Variants in PAX8 observed in about 807,000 individuals in gnomAD.
The protein encoded by PAX8 is paired box 8, also known as paired box protein Pax-8.
In PAX8, 15 loss-of-function variants were observed where a neutral mutation model predicts 52.4. The observed-to-expected ratio is 0.29, with a 90% CI of 0.19 to 0.44. The LOEUF is 0.44. PAX8 is among the 20% of genes least tolerant of loss of function. PAX8 has a pLI of 1.00. For missense variants in PAX8, 554 were observed against 602.5 expected, an observed-to-expected ratio of 0.92 and a Z score of 0.84; for synonymous variants, 284 against 249.7, an observed-to-expected ratio of 1.14 and a Z score of -1.29.
chr2:113,265,390 T>A (rs914263548), intron 2 of PAX8: 1 of 152,236 alleles, frequency 6.6e-6, no homozygotes, highest in African/African-American at 2.4e-5. Context: ...CACATTGGAA[T>A]TAACACCATA....
intron 2 of PAX8, among the ~76,000 whole-genome samples, chr2:113,255,873 G>C (rs1195900982): frequency 6.6e-6 from 1 of 152,052 alleles, no homozygotes; most frequent in Non-Finnish European, 1.5e-5. Flanking sequence ...CAGAGGGTTA[G>C]CAGCAAATGC....
chr2:113,256,226 C>G (rs537458141), intron 2 of PAX8, among the ~76,000 whole-genome samples: 22 of 152,204 alleles, frequency 1.4e-4, no homozygotes, highest in Non-Finnish European at 2.1e-4. Flanking sequence ...AAAGGAAACA[C>G]TGAAATAGCC....
chr2:113,233,330 G>GA (rs35244828), intron 9 of PAX8, among the ~76,000 whole-genome samples: 132,109 of 137,874 alleles, frequency 0.96, 63,482 homozygotes, highest in East Asian at 1. Flanking sequence ...ATGTACGGAG[G>GA]AAAAAAAAAA....
At chr2:113,226,375 C>T in intron 10 of PAX8, 1 of 985,744 alleles carries the variant, frequency 1.0e-6, no homozygotes, top group Non-Finnish European at 1.2e-6. Context: ...TCTCATCCAT[C>T]CCAAAGTCTT....
intron 4 of PAX8, among the ~76,000 whole-genome samples, chr2:113,243,657 G>T (rs1007522157): frequency 6.6e-6 from 1 of 152,198 alleles, no homozygotes; most frequent in Non-Finnish European, 1.5e-5. Context: ...CTCCCAAAGT[G>T]CTGGGATTAC....
In PAX8 at chr2:113,255,069, CAGAA is replaced by C. The variant is rs572294135; in HGVS notation, c.26-8154_26-8151del. On this transcript the variant is annotated intron_variant, in intron 2 of 11. Transcript: ENST00000429538. ...AAGGGAAGGAGGAAGGAAGGAAGGA[CAGAA>C]AGAAGGAAGGAAGGAAAAAAGAAGG... Among the ~76,000 whole-genome samples the C allele has an allele frequency of 8.9e-3, 736 of 82,480 alleles. 1 individual carries two copies. The highest frequency in any genetic ancestry group is 0.017 in the East Asian group (51 of 2,988). 54.1% of individuals were successfully genotyped at this position (82,480 alleles called of 152,430 possible). A position where few individuals can be genotyped will look rare whatever the true frequency, so the allele number is the denominator to read the frequency against.
At chr2:113,220,043 A>G (rs775912551) in intron 11 of PAX8, 49 bp downstream of exon 11, 6 of 1,393,954 alleles carry the variant, frequency 4.3e-6, no homozygotes, top group Non-Finnish European at 6.0e-6. Context: ...GCCCCCCACC[A>G]CTCCATCCAT....
intron 2 of PAX8, chr2:113,274,589 C>T (rs1693678347): frequency 6.6e-6 from 1 of 152,122 alleles, no homozygotes; most frequent in Admixed American, 6.5e-5. Flanking sequence ...TCCTTTCTCT[C>T]TCACAGCAAA....
intron 7 of PAX8, chr2:113,238,712 T>C (rs1452498856): frequency 6.6e-6 from 1 of 152,234 alleles, no homozygotes; most frequent in Admixed American, 6.5e-5. Context: ...TCTACTTGAC[T>C]GCTCTGAACC....
chr2:113,270,106 C>G (rs1412312030), intron 2 of PAX8: 2 of 152,154 alleles, frequency 1.3e-5, no homozygotes, highest in African/African-American at 4.8e-5. Flanking sequence ...GGTGGTAGAT[C>G]TATTATTTTG....
intron 10 of PAX8, among the ~76,000 whole-genome samples, chr2:113,221,891 C>T (rs1180494058): frequency 6.6e-6 from 1 of 151,350 alleles, no homozygotes; most frequent in African/African-American, 2.4e-5. Context: ...TCCTTAGGGG[C>T]AGAGACTAAG....
At chr2:113,241,237 T>C (rs545092994) in intron 7 of PAX8, 20 of 494,598 alleles carry the variant, frequency 4.0e-5, no homozygotes, top group African/African-American at 3.7e-4. Context: ...TGCTTCAGAG[T>C]TGTGGAACGT....
At chr2:113,249,175 G>T (rs1190523889) in intron 2 of PAX8, among the ~76,000 whole-genome samples, 1 of 152,260 alleles carries the variant, frequency 6.6e-6, no homozygotes, top group Non-Finnish European at 1.5e-5. Flanking sequence ...AGGGCTGGAA[G>T]AGTGCTTGGA....
chr2:113,242,611 T>C (rs1690954875), intron 5 of PAX8, 79 bp downstream of exon 5: 5 of 936,746 alleles, frequency 5.3e-6, no homozygotes, highest in South Asian at 5.2e-5. Context: ...TGTCTGTGTG[T>C]GCCTCTGTGT....
chr2:113,268,837 C>T (rs1159775597), intron 2 of PAX8: 1 of 152,380 alleles, frequency 6.6e-6, no homozygotes, highest in East Asian at 1.9e-4. Context: ...AGGACAGCAG[C>T]TATGTCACTG....
At chr2:113,235,204 G>A (rs1357170072) in intron 9 of PAX8, 190 bp downstream of exon 9, 6 of 586,106 alleles carry the variant, frequency 1.0e-5, no homozygotes, top group Non-Finnish European at 1.5e-5. Context: ...TACAGCATCC[G>A]CCCCTTCCGA....
intron 9 of PAX8, 82 bp downstream of exon 9, chr2:113,235,312 A>G: frequency 8.2e-7 from 1 of 1,216,222 alleles, no homozygotes; most frequent in Non-Finnish European, 1.1e-6. Flanking sequence ...CTGAGGCCAG[A>G]GAGGGGGCTG....
intron 2 of PAX8, chr2:113,255,464 G>C (rs1237218313): frequency 6.6e-6 from 1 of 152,390 alleles, no homozygotes; most frequent in Non-Finnish European, 1.5e-5. Flanking sequence ...AAAGAGGTTT[G>C]CCCTGCTTCT....
chr2:113,252,199 C>G (rs1418438455), intron 2 of PAX8, among the ~76,000 whole-genome samples: 4 of 152,198 alleles, frequency 2.6e-5, no homozygotes, highest in Non-Finnish European at 4.4e-5. Flanking sequence ...GATAGCTGAG[C>G]CTTGGCAGGG....
Sources: gnomAD v4.1 joint callset for allele counts (sites outside exome capture counted in the v4.1 genomes callset) on GRCh38, gnomAD v4.1.1 for gene constraint, MANE v1.5 for transcripts, NCBI Gene and HGNC (gene_info 2026-07-23, HGNC 2026-07-21) for gene names.